The following PPP4R4 variants were observed in gnomAD, a reference collection of about 807,000 sequenced individuals.
The protein encoded by PPP4R4 is serine/threonine-protein phosphatase 4 regulatory subunit 4.
PPP4R4 carries 70 observed loss-of-function variants against 121.8 expected under a neutral mutation model. The ratio of observed to expected loss-of-function variants is 0.57; its 90% CI spans 0.47 to 0.70. PPP4R4 has a LOEUF of 0.70. Ranked by LOEUF, PPP4R4 falls within the 30% of genes least tolerant of loss-of-function variation. The pLI, the probability that PPP4R4 is intolerant of heterozygous loss-of-function variation, is 0.00. For missense variants in PPP4R4, 875 were observed against 1,033.6 expected, an observed-to-expected ratio of 0.85 and a Z score of 2.10; for synonymous variants, 348 against 355.7, an observed-to-expected ratio of 0.98 and a Z score of 0.24.
chr14:94,267,354 A>G (rs1265960976), intron 23 of PPP4R4, among the ~76,000 whole-genome samples: 1 of 152,222 alleles, frequency 6.6e-6, no homozygotes, highest in Admixed American at 6.5e-5. Context: ...GTTAAAAACA[A>G]CAGGACTTCA....
intron 7 of PPP4R4, among the ~76,000 whole-genome samples, chr14:94,235,616 G>A (rs1892302579): frequency 6.6e-6 from 1 of 150,918 alleles, no homozygotes; most frequent in Non-Finnish European, 1.5e-5. Context: ...AGCCAGGATG[G>A]TCTCGATCTC....
intron 2 of PPP4R4, among the ~76,000 whole-genome samples, chr14:94,188,856 T>A (rs1244167705): frequency 6.6e-6 from 1 of 152,138 alleles, no homozygotes; most frequent in Non-Finnish European, 1.5e-5. Context: ...AATACATAAT[T>A]TATTTTTTCT....
chr14:94,186,362 C>T (rs566179990), intron 2 of PPP4R4, among the ~76,000 whole-genome samples: 1 of 152,168 alleles, frequency 6.6e-6, no homozygotes, highest in Non-Finnish European at 1.5e-5. Context: ...ATCATACAGT[C>T]TACTCTTTTG....
chr14:94,253,826 A>G (rs1324614926), intron 16 of PPP4R4, among the ~76,000 whole-genome samples: 1 of 152,204 alleles, frequency 6.6e-6, no homozygotes, highest in African/African-American at 2.4e-5. Flanking sequence ...GCCAGCCAAG[A>G]TATGTGTCCA....
rs1417836089 is a variant in PPP4R4, at chr14:94,279,569, A to G, written c.*926A>G. 1.3e-5 allele frequency: 2 copies of G among 152,642 alleles called. No homozygotes were observed. The highest frequency in any genetic ancestry group is 2.9e-5 in the Non-Finnish European group (2 of 68,036). The allele number at this position is 152,642 out of a possible 1,614,324, so 9.5% of individuals were successfully genotyped here. A position where few individuals can be genotyped will look rare whatever the true frequency, so the allele number is the denominator to read the frequency against. On this transcript the variant is annotated 3_prime_UTR_variant, in exon 25 of 25. Coordinates refer to ENST00000304338, the MANE Select transcript of PPP4R4 (RefSeq NM_058237.2). ...GTCAGCTTCTCTATTTCAAAATGCA[A>G]TCAGCATATAACTATATTGATATTA...
chr14:94,174,461 G>A lies in PPP4R4; in HGVS notation c.-5G>A, dbSNP rs1370525787. Reference sequence around the variant, plus strand: ...GGCCCGGGCGGCGAGAGTGCCCGGCGGTCCATGCATCCGCCGCCGCCCGCC... The same window carrying A: ...GGCCCGGGCGGCGAGAGTGCCCGGCAGTCCATGCATCCGCCGCCGCCCGCC... On this transcript the variant is annotated 5_prime_UTR_variant, in exon 1 of 25. Coordinates refer to ENST00000304338, the MANE Select transcript of PPP4R4 (RefSeq NM_058237.2). 1.3e-6 allele frequency: 2 copies of A among 1,592,764 alleles called. No homozygotes were observed. Among genetic ancestry groups the A allele is most frequent in the Non-Finnish European group, 1.7e-6 (2 of 1,171,322 alleles).
intron 3 of PPP4R4, chr14:94,227,600 G>C: frequency 7.9e-7 from 1 of 1,273,652 alleles, no homozygotes; most frequent in Non-Finnish European, 9.9e-7. Flanking sequence ...GTTGCTGCGG[G>C]AGTCAAGACT....
chr14:94,174,610 C>T, intron 1 of PPP4R4, 28 bp downstream of exon 1: 2 of 1,605,740 alleles, frequency 1.2e-6, no homozygotes, highest in Non-Finnish European at 1.7e-6. Context: ...GACCTGCCCT[C>T]ACGGCGTCCG....
intron 3 of PPP4R4, among the ~76,000 whole-genome samples, chr14:94,225,198 G>T (rs1026829960): frequency 2.6e-5 from 4 of 152,096 alleles, no homozygotes; most frequent in African/African-American, 9.7e-5. Flanking sequence ...CAACTCTCTT[G>T]GCAAGGATAA....
At chr14:94,222,602 CCT>C (rs1470336620) in intron 3 of PPP4R4, among the ~76,000 whole-genome samples, 1 of 148,876 alleles carries the variant, frequency 6.7e-6, no homozygotes, top group African/African-American at 2.5e-5. Context: ...CTGAAGAACA[CCT>C]TTTAGTATTC....
chr14:94,207,426 G>A (rs1890517837), intron 2 of PPP4R4, among the ~76,000 whole-genome samples: 1 of 151,920 alleles, frequency 6.6e-6, no homozygotes, highest in South Asian at 2.1e-4. Flanking sequence ...TGACAGGGCA[G>A]CTTCATTTAG....
At chr14:94,244,282 G>A (rs1260328348) in intron 11 of PPP4R4, among the ~76,000 whole-genome samples, 1 of 152,168 alleles carries the variant, frequency 6.6e-6, no homozygotes, top group Non-Finnish European at 1.5e-5. Flanking sequence ...ACACTTGTAT[G>A]CCTAGGATAT....
rs753373370 is a variant in PPP4R4, at chr14:94,233,641, T to A, written c.517-12T>A. 1.3e-6 allele frequency: 2 copies of A among 1,526,614 alleles called. No homozygotes were observed. Among genetic ancestry groups the A allele is most frequent in the African/African-American group, 2.8e-5 (2 of 72,266 alleles). 94.6% of individuals were successfully genotyped at this position (1,526,614 alleles called of 1,614,324 possible). ...AATTTTGTGAATTTTTTTCTCTAAA[T>A]TTTCTCTTTAGATTTTGAATCCACT... On this transcript the variant is annotated splice_polypyrimidine_tract_variant and intron_variant, in intron 5 of 24. Transcript: ENST00000304338.
intron 3 of PPP4R4, among the ~76,000 whole-genome samples, chr14:94,228,035 G>T (rs1345688701): frequency 1.3e-5 from 2 of 152,064 alleles, no homozygotes; most frequent in East Asian, 1.9e-4. Flanking sequence ...TCTCAGCCAA[G>T]AACTCTCATG....
intron 16 of PPP4R4, 51 bp downstream of exon 16, chr14:94,251,947 C>G: frequency 7.0e-7 from 1 of 1,432,050 alleles, no homozygotes; most frequent in Non-Finnish European, 9.4e-7. Flanking sequence ...TTTTTATCTA[C>G]TATAGTGAAC....
chr14:94,275,454 G>A lies in PPP4R4; in HGVS notation c.2530G>A (p.Gly844Arg), dbSNP rs776455163. 2.5e-6 allele frequency: 4 copies of A among 1,613,836 alleles called. No homozygotes were observed. The East Asian group carries it at 6.7e-5, about 27-fold the overall frequency. The change falls in exon 24 of 25, where the codon GGG becomes AGG. Residue 844 changes from glycine (G) to arginine (R), a missense_variant. Gly to Arg is a moderately radical substitution (Grantham distance 125). Transcript: ENST00000304338. ...PNTPLPSTSR[G>R]TGNSVDPKSS... ...TACTCCCTTACCGAGTACTTCCCGT[G>A]GGACAGGTAACTCAGTTGACCCCAA...
At chr14:94,195,414 G>A (rs887428898) in intron 2 of PPP4R4, among the ~76,000 whole-genome samples, 4 of 152,164 alleles carry the variant, frequency 2.6e-5, no homozygotes, top group African/African-American at 9.7e-5. Context: ...TTACCAACCT[G>A]TATACATTTT....
chr14:94,208,052 C>T (rs1278520409), intron 2 of PPP4R4, among the ~76,000 whole-genome samples: 1 of 151,670 alleles, frequency 6.6e-6, no homozygotes. Context: ...TTATTGCTGT[C>T]CCTGTTGCTA....
chr14:94,208,589 T>G lies in PPP4R4; in HGVS notation c.294+23T>G, dbSNP rs527569203. ...AGAGTAAGTTGGTATGAAATAAGAT[T>G]GGAGTTTCCCATTTTTTCCCAGTAG... On this transcript the variant is annotated intron_variant, in intron 3 of 24. Transcript: ENST00000304338. 14 of 1,562,058 alleles carry G rather than the reference T, an allele frequency of 9.0e-6. No homozygotes were observed. The African/African-American group carries it at 1.9e-4, about 21-fold the overall frequency.
Sources: allele counts gnomAD v4.1 joint callset (sites outside exome capture counted in the v4.1 genomes callset), GRCh38; gene constraint gnomAD v4.1.1; transcripts MANE v1.5; gene names NCBI Gene and HGNC (gene_info 2026-07-23, HGNC 2026-07-21).